Variants in SUCLG2 observed in about 807,000 individuals in gnomAD.
The protein encoded by SUCLG2 is succinate-CoA ligase GDP-forming subunit beta.
Under a neutral mutation model 47.9 loss-of-function variants are expected in SUCLG2, and 42 were observed. The ratio of observed to expected loss-of-function variants is 0.88; its 90% CI spans 0.69 to 1.14. SUCLG2 has a LOEUF of 1.14. Ranked by LOEUF, SUCLG2 falls within the 50% of genes most tolerant of loss-of-function variation. The pLI is 0.00. For missense variants in SUCLG2, 571 were observed against 525.9 expected (o/e 1.09, Z -0.84); for synonymous variants, 195 against 197.3 (o/e 0.99, Z 0.10).
At chr3:67,624,461 A>G (rs765754822) in intron 1 of SUCLG2, among the ~76,000 whole-genome samples, 3 of 152,206 alleles carry the variant, frequency 2.0e-5, no homozygotes, top group African/African-American at 7.2e-5. Flanking sequence ...AAAGAAAAAT[A>G]TAACATTGCA....
At chr3:67,636,926 T>C (rs936463035) in intron 1 of SUCLG2, among the ~76,000 whole-genome samples, 9 of 152,078 alleles carry the variant, frequency 5.9e-5, no homozygotes, top group African/African-American at 2.2e-4. Context: ...CTCTTAACTC[T>C]GACCAGCTGG....
At chr3:67,410,650 T>A (rs775709362) in intron 9 of SUCLG2, among the ~76,000 whole-genome samples, 1 of 152,036 alleles carries the variant, frequency 6.6e-6, no homozygotes, top group Non-Finnish European at 1.5e-5. Flanking sequence ...AAAACTACCA[T>A]AATGTATAAT....
chr3:67,653,726 C>A (rs1469744970), intron 1 of SUCLG2, among the ~76,000 whole-genome samples: 1 of 152,198 alleles, frequency 6.6e-6, no homozygotes, highest in Admixed American at 6.5e-5. Flanking sequence ...CTACAAGAGT[C>A]ATCACCAACT....
chr3:67,369,578 G>A (rs1446441773), intron 10 of SUCLG2, among the ~76,000 whole-genome samples: 1 of 152,218 alleles, frequency 6.6e-6, no homozygotes, highest in Admixed American at 6.5e-5. Flanking sequence ...GGGGAGGAAA[G>A]GAGAGGGTGG....
chr3:67,450,100 G>A (rs1275390868), intron 9 of SUCLG2, among the ~76,000 whole-genome samples: 1 of 152,062 alleles, frequency 6.6e-6, no homozygotes, highest in African/African-American at 2.4e-5. Flanking sequence ...GAAGTGCAGT[G>A]GCATAATCAT....
chr3:67,448,825 AG>A (rs1442060522), intron 9 of SUCLG2, among the ~76,000 whole-genome samples: 3 of 152,054 alleles, frequency 2.0e-5, no homozygotes, highest in African/African-American at 4.8e-5. Flanking sequence ...AGTGTAAAAA[AG>A]GTTTTTTTTT....
intron 2 of SUCLG2, among the ~76,000 whole-genome samples, chr3:67,594,151 C>T (rs748946570): frequency 2.0e-5 from 3 of 152,210 alleles, no homozygotes; most frequent in Non-Finnish European, 2.9e-5. Context: ...AATATGCAGA[C>T]ACTTGAGCAA....
chr3:67,529,787 G>C (rs894038403), intron 2 of SUCLG2, among the ~76,000 whole-genome samples: 4 of 152,154 alleles, frequency 2.6e-5, no homozygotes, highest in African/African-American at 7.2e-5. Context: ...AAATATCCTG[G>C]GGGAAAGTGG....
At chr3:67,487,618 T>C (rs1037124670) in intron 9 of SUCLG2, among the ~76,000 whole-genome samples, 2 of 151,940 alleles carry the variant, frequency 1.3e-5, no homozygotes, top group South Asian at 2.1e-4. Flanking sequence ...AAAGAGGCAT[T>C]ACAAATGCTG....
intron 10 of SUCLG2, among the ~76,000 whole-genome samples, chr3:67,367,105 C>T (rs983721798): frequency 6.6e-6 from 1 of 152,158 alleles, no homozygotes; most frequent in African/African-American, 2.4e-5. Flanking sequence ...CCATGAAATA[C>T]ATGCTCTTTG....
In SUCLG2 at chr3:67,374,859, C is replaced by T. The variant is rs1702005183; in HGVS notation, c.*885G>A. ...AAAAAACACATTCAAATAAGGTTCC[C>T]ATCTTTCTACCATAAACTGGTAGAT... On this transcript the variant is annotated 3_prime_UTR_variant, in exon 11 of 11. Transcript: ENST00000307227. The T allele has an allele frequency of 1.0e-6, 1 of 984,792 alleles. No individual in the cohort carries two copies. The highest frequency in any genetic ancestry group is 1.2e-6 in the Non-Finnish European group (1 of 829,822). The allele number at this position is 984,792 out of a possible 1,614,324, so 61.0% of individuals were successfully genotyped here.
chr3:67,573,434 G>A lies in SUCLG2; in HGVS notation c.226+36021C>T, dbSNP rs140446878. On this transcript the variant is annotated intron_variant, in intron 2 of 10. Coordinates refer to ENST00000307227, the MANE Select transcript of SUCLG2 (RefSeq NM_003848.4). Reference sequence around the variant, plus strand: ...TTCTAATAAAGTTAACAGTAATCACGTCACCATGTTTCTGACATATATTAC... The same window carrying A: ...TTCTAATAAAGTTAACAGTAATCACATCACCATGTTTCTGACATATATTAC... Among the ~76,000 whole-genome samples, 310 of 152,250 alleles carry A rather than the reference G, an allele frequency of 2.0e-3. 4 individuals are homozygous for A. The East Asian group carries it at 0.035, about 17-fold the overall frequency.
rs555124853 is a variant in SUCLG2 at position 67,501,079 on chromosome 3, G to C, written c.758-2784C>G. Reference sequence around the variant, plus strand: ...CAGAGCTTCAAGATGGTGACTATGGGATAAAAGGGGTGTATATCTACAACG... The same window carrying C: ...CAGAGCTTCAAGATGGTGACTATGGCATAAAAGGGGTGTATATCTACAACG... On this transcript the variant is annotated intron_variant, in intron 7 of 10. Coordinates refer to ENST00000307227, the MANE Select transcript of SUCLG2 (RefSeq NM_003848.4). Among the ~76,000 whole-genome samples, 206 of 152,308 alleles carry C rather than the reference G, an allele frequency of 1.4e-3. 1 individual carries two copies. The highest frequency in any genetic ancestry group is 2.5e-3 in the Non-Finnish European group (173 of 68,006).
chr3:67,398,838 G>C (rs776021132), intron 10 of SUCLG2, among the ~76,000 whole-genome samples: 1 of 152,094 alleles, frequency 6.6e-6, no homozygotes, highest in Non-Finnish European at 1.5e-5. Flanking sequence ...ATACTATGCA[G>C]TCATAAAAAA....
intron 2 of SUCLG2, among the ~76,000 whole-genome samples, chr3:67,569,121 T>G (rs1707545413): frequency 6.6e-6 from 1 of 152,212 alleles, no homozygotes; most frequent in Admixed American, 6.5e-5. Context: ...CCAAAGCTAA[T>G]GCATTAATTC....
intron 1 of SUCLG2, among the ~76,000 whole-genome samples, chr3:67,621,892 C>T (rs1049448228): frequency 2.6e-5 from 4 of 152,182 alleles, no homozygotes; most frequent in Admixed American, 1.3e-4. Context: ...TAAGACATGG[C>T]CTATGTATTA....
intron 1 of SUCLG2, among the ~76,000 whole-genome samples, chr3:67,615,123 G>C (rs1035220476): frequency 6.6e-6 from 1 of 151,974 alleles, no homozygotes; most frequent in African/African-American, 2.4e-5. Context: ...GGGAACAAGG[G>C]AGCAGAAGCA....
chr3:67,568,653 C>A (rs1021483011), intron 2 of SUCLG2, among the ~76,000 whole-genome samples: 3 of 152,004 alleles, frequency 2.0e-5, no homozygotes, highest in Non-Finnish European at 4.4e-5. Context: ...TTTGGGAGGC[C>A]GAGGCGGGCG....
intron 10 of SUCLG2, among the ~76,000 whole-genome samples, chr3:67,390,737 G>A (rs1042029488): frequency 5.9e-5 from 9 of 151,876 alleles, no homozygotes; most frequent in Non-Finnish European, 8.8e-5. Flanking sequence ...CCATGAAACT[G>A]TTGAGAAATG....
Sources: allele counts gnomAD v4.1 joint callset (sites outside exome capture counted in the v4.1 genomes callset), GRCh38; gene constraint gnomAD v4.1.1; transcripts MANE v1.5; gene names NCBI Gene and HGNC (gene_info 2026-07-23, HGNC 2026-07-21).